The following MPHOSPH8 variants were observed in gnomAD, a reference collection of about 807,000 sequenced individuals.
The protein encoded by MPHOSPH8 is M-phase phosphoprotein 8.
Under a neutral mutation model 87.3 loss-of-function variants are expected in MPHOSPH8, and 45 were observed. The observed-to-expected ratio is 0.52, with a 90% confidence interval of 0.41 to 0.66. MPHOSPH8 has a LOEUF of 0.66. MPHOSPH8 is among the 30% of genes least tolerant of loss of function. The pLI is 0.00. For synonymous variants in MPHOSPH8, 366 were observed against 376.9 expected, an observed-to-expected ratio of 0.97 and a Z score of 0.33; for missense variants, 883 against 1,020.2, an observed-to-expected ratio of 0.87 and a Z score of 1.83.
At chr13:19,640,747 T>C (rs543189923) in intron 1 of MPHOSPH8, among the ~76,000 whole-genome samples, 12 of 152,140 alleles carry the variant, frequency 7.9e-5, no homozygotes, top group African/African-American at 2.2e-4. Context: ...AACAACTTAA[T>C]AAGAGATACA....
intron 10 of MPHOSPH8, among the ~76,000 whole-genome samples, chr13:19,666,784 C>A (rs1001810512): frequency 5.9e-5 from 9 of 152,214 alleles, no homozygotes; most frequent in Admixed American, 5.9e-4. Flanking sequence ...CAGAAAATTT[C>A]AAACTTAACA....
chr13:19,642,918 C>T (rs1874374359), intron 2 of MPHOSPH8, among the ~76,000 whole-genome samples: 1 of 152,144 alleles, frequency 6.6e-6, no homozygotes, highest in African/African-American at 2.4e-5. Context: ...ATTTATTGAG[C>T]ATGTGTGTAT....
At chr13:19,637,003 CCATA>C (rs1321239990) in intron 1 of MPHOSPH8, among the ~76,000 whole-genome samples, 1 of 152,140 alleles carries the variant, frequency 6.6e-6, no homozygotes, top group Non-Finnish European at 1.5e-5. Context: ...TTACATGACT[CCATA>C]CAAAGACGTG....
intron 8 of MPHOSPH8, 117 bp downstream of exon 8, chr13:19,661,955 T>G: frequency 7.4e-7 from 1 of 1,349,772 alleles, no homozygotes. Context: ...CTTTTTTTTT[T>G]TTTTTAGACG....
Position 19,661,719 on chromosome 13 carries a change from G to A in MPHOSPH8, c.1813G>A (p.Val605Met), listed in dbSNP as rs1347155474. 1 of 1,609,362 alleles carries A rather than the reference G, an allele frequency of 6.2e-7. No homozygotes were observed. Among genetic ancestry groups the A allele is most frequent in the Admixed American group, 1.7e-5 (1 of 59,610 alleles). ...ACAGGATTCCAGTGGAATGACACTGGTGATGCTTGCCGCCGCCGGAGGGCA... is the reference window on the plus strand; with the variant it reads ...ACAGGATTCCAGTGGAATGACACTGATGATGCTTGCCGCCGCCGGAGGGCA... ...DQEDSSGMTL[V>M]MLAAAGGQDD... The change falls in exon 8 of 14, where the codon GTG (valine) becomes ATG (methionine). Residue 605 changes from valine (V) to methionine (M), a missense_variant. Val to Met is a conservative substitution (Grantham distance 21, BLOSUM62 1). This residue lies in a region of MPHOSPH8 where 741 missense variants were observed against 841.5 expected (regional missense o/e 0.88). Transcript: ENST00000361479.
chr13:19,671,972 T>C lies in MPHOSPH8; in HGVS notation c.*97T>C. 7.7e-7 allele frequency: 1 copy of C among 1,302,600 alleles called. No homozygotes were observed. The highest frequency in any genetic ancestry group is 1.2e-5 in the South Asian group (1 of 82,468). The allele number at this position is 1,302,600 out of a possible 1,614,324, so 80.7% of individuals were successfully genotyped here. The stretch of plus-strand genomic sequence containing the variant: ...TCTTCTAGCACATCTATGTAAAGTT[T>C]TGTCTGTAAACCTCTTGCAGTTAAG... On this transcript the variant is annotated 3_prime_UTR_variant, in exon 14 of 14. Coordinates refer to ENST00000361479, the MANE Select transcript of MPHOSPH8 (RefSeq NM_017520.4).
chr13:19,649,115 G>C (rs980948564), intron 4 of MPHOSPH8, among the ~76,000 whole-genome samples: 1 of 152,190 alleles, frequency 6.6e-6, no homozygotes, highest in Non-Finnish European at 1.5e-5. Flanking sequence ...GTAGAAGCAG[G>C]TGAATGAAGT....
chr13:19,670,339 T>TA lies in MPHOSPH8; in HGVS notation c.2436dup (p.Phe813IlefsTer23), dbSNP rs1876055340. The TA allele has an allele frequency of 6.2e-7, 1 of 1,614,024 alleles. No homozygotes were observed. The highest frequency in any genetic ancestry group is 1.3e-5 in the African/African-American group (1 of 74,948). ...GTGTACAAGCTGTAGTTCTGAATGA[T>TA]AAATTTCAGCTTCCTGTTTTTCTGG... is the stretch of plus-strand genomic sequence containing the variant. On this transcript the variant is annotated frameshift_variant, in exon 12 of 14. Coordinates refer to ENST00000361479, the MANE Select transcript of MPHOSPH8 (RefSeq NM_017520.4). LOFTEE classifies it high-confidence loss of function.
chr13:19,651,822 G>A (rs976914385), intron 5 of MPHOSPH8, among the ~76,000 whole-genome samples: 1 of 152,080 alleles, frequency 6.6e-6, no homozygotes, highest in East Asian at 1.9e-4. Context: ...CATGAGGGCT[G>A]GGCACGGCGG....
chr13:19,642,400 A>T, intron 2 of MPHOSPH8, 130 bp downstream of exon 2: 1 of 784,710 alleles, frequency 1.3e-6, no homozygotes. Context: ...AATTCCATGT[A>T]GCCAATTCTC....
chr13:19,645,744 C>T (rs77193253), intron 2 of MPHOSPH8, among the ~76,000 whole-genome samples: 1 of 75,544 alleles, frequency 1.3e-5, no homozygotes, highest in Non-Finnish European at 2.9e-5. Flanking sequence ...GACTCTGTCT[C>T]AAAAAAAAAA....
At chr13:19,648,156 C>CTTTT (rs572579207) in intron 3 of MPHOSPH8, among the ~76,000 whole-genome samples, 1 of 139,056 alleles carries the variant, frequency 7.2e-6, no homozygotes, top group Non-Finnish European at 1.6e-5. Context: ...TTATAATTTT[C>CTTTT]TTTTTTTTTT....
At position 19,672,937 on chromosome 13, in the gene MPHOSPH8, T is replaced by C. The variant is rs1025613760; in HGVS notation, c.*1062T>C. ...AACATGGGGTGGAACAAGCCTGTAG[T>C]CCCAGATACTCAGGAGGCTGAGGTG... On this transcript the variant is annotated 3_prime_UTR_variant, in exon 14 of 14. Coordinates refer to ENST00000361479, the MANE Select transcript of MPHOSPH8 (RefSeq NM_017520.4). The C allele has an allele frequency of 2.4e-5, 9 of 376,508 alleles. No homozygotes were observed. The highest frequency in any genetic ancestry group is 1.9e-4 in the South Asian group (9 of 47,930). 23.3% of individuals were successfully genotyped at this position (376,508 alleles called of 1,614,324 possible).
At chr13:19,666,724 A>C in intron 10 of MPHOSPH8, 145 bp downstream of exon 10, 3 of 630,106 alleles carry the variant, frequency 4.8e-6, no homozygotes, top group Non-Finnish European at 7.3e-6. Context: ...AGTAGATCAC[A>C]GATTTAATAA....
chr13:19,643,161 T>TA (rs956248943), intron 2 of MPHOSPH8, among the ~76,000 whole-genome samples: 37 of 152,314 alleles, frequency 2.4e-4, no homozygotes, highest in African/African-American at 8.9e-4. Context: ...CCTAAACAGT[T>TA]ACAGTTACGG....
In MPHOSPH8 at chr13:19,671,835, T is replaced by C. The variant is rs755837789; in HGVS notation, c.2543T>C (p.Val848Ala). Reference protein sequence around the residue: ...IRLTEAPSAKVKLLIGAYRVQ... With the variant: ...IRLTEAPSAKAKLLIGAYRVQ... ...ACCTGCGTTCTTTTCTTTCAACAGG[T>C]TAAGTTGCTAATAGGTGCATACAGA... is the stretch of plus-strand genomic sequence containing the variant. Residue 848 changes from valine to alanine, a missense_variant and splice_region_variant, in exon 14 of 14, where the codon GTT becomes GCT. Physicochemically the swap from Val to Ala is moderately conservative, Grantham distance 64 (BLOSUM62 0). Coordinates refer to ENST00000361479, the MANE Select transcript of MPHOSPH8 (RefSeq NM_017520.4). 1.2e-6 allele frequency: 2 copies of C among 1,614,104 alleles called. No individual in the cohort carries two copies. The highest frequency in any genetic ancestry group is 8.5e-7 in the Non-Finnish European group (1 of 1,179,984).
intron 9 of MPHOSPH8, among the ~76,000 whole-genome samples, chr13:19,664,612 G>A (rs1290412737): frequency 1.3e-5 from 2 of 152,212 alleles, no homozygotes; most frequent in African/African-American, 4.8e-5. Context: ...CAGATTATGT[G>A]AAATAACAGA....
At chr13:19,670,775 T>G (rs1876076365) in intron 12 of MPHOSPH8, 1 of 1,207,312 alleles carries the variant, frequency 8.3e-7, no homozygotes, top group Admixed American at 3.4e-5. Context: ...CCAGATTGAT[T>G]CTGTCATTTG....
At chr13:19,657,090 C>T (rs548931418) in intron 5 of MPHOSPH8, among the ~76,000 whole-genome samples, 4 of 133,464 alleles carry the variant, frequency 3.0e-5, no homozygotes, top group African/African-American at 1.2e-4. Flanking sequence ...CCACTGCACT[C>T]CAGCCTGGGC....
Sources: gnomAD v4.1 joint callset for allele counts (sites outside exome capture counted in the v4.1 genomes callset) on GRCh38, gnomAD v4.1.1 for gene constraint, gnomAD v4.1.1 regional missense constraint, MANE v1.5 for transcripts, NCBI Gene and HGNC (gene_info 2026-07-23, HGNC 2026-07-21) for gene names.